RNF13: variants seen among roughly 807,000 people sequenced by gnomAD.
The protein encoded by RNF13 is E3 ubiquitin-protein ligase RNF13.
In RNF13, 19 loss-of-function variants were observed where a neutral mutation model predicts 37.7. That is an observed-to-expected ratio of 0.50 (90% CI 0.35 to 0.74). The LOEUF is 0.74. Among genes scored for constraint, RNF13 ranks in the 30% least tolerant of loss-of-function variants. The pLI is 0.01. For missense variants in RNF13, 375 were observed against 453.0 expected (o/e 0.83, Z 1.56); for synonymous variants, 144 against 157.8 (o/e 0.91, Z 0.65).
chr3:149,886,466 C>A (rs186750813), intron 4 of RNF13, among the ~76,000 whole-genome samples: 1 of 152,130 alleles, frequency 6.6e-6, no homozygotes, highest in East Asian at 1.9e-4. Context: ...CATTGCTAAA[C>A]TGGTTTATTA....
intron 6 of RNF13, among the ~76,000 whole-genome samples, chr3:149,907,049 G>T (rs933372821): frequency 4.6e-5 from 7 of 152,116 alleles, no homozygotes; most frequent in African/African-American, 1.7e-4. Flanking sequence ...TTTATTGTTT[G>T]CTATCATAAG....
At chr3:149,940,332 ATC>A (rs1720125603) in intron 8 of RNF13, among the ~76,000 whole-genome samples, 1 of 152,146 alleles carries the variant, frequency 6.6e-6, no homozygotes, top group Non-Finnish European at 1.5e-5. Flanking sequence ...TCTACCCTCC[ATC>A]CCTTATATCA....
At chr3:149,814,615 A>C (rs939380800) in intron 1 of RNF13, among the ~76,000 whole-genome samples, 6 of 152,208 alleles carry the variant, frequency 3.9e-5, no homozygotes, top group Non-Finnish European at 8.8e-5. Flanking sequence ...ATAAAAGTAA[A>C]TATTATGGCA....
chr3:149,872,537 A>G (rs1712194883), intron 4 of RNF13, among the ~76,000 whole-genome samples: 1 of 152,200 alleles, frequency 6.6e-6, no homozygotes, highest in South Asian at 2.1e-4. Flanking sequence ...TTTCTCTCTG[A>G]CATGGGTTAA....
In RNF13 at chr3:149,829,738, G is replaced by A. The variant is rs146495726; in HGVS notation, c.-16-16273G>A. Among the ~76,000 whole-genome samples the A allele has an allele frequency of 3.2e-3, 486 of 152,246 alleles. 2 individuals carry two copies. The highest frequency in any genetic ancestry group is 0.011 in the African/African-American group (444 of 41,542). ...CTTCTGATCCAGTGTTTTTAAAAGC[G>A]TTAAAAAACTATGGAGATTTAAATA... On this transcript the variant is annotated intron_variant, in intron 1 of 9. Transcript: ENST00000392894.
chr3:149,922,505 C>T (rs1367199023), intron 8 of RNF13, among the ~76,000 whole-genome samples: 2 of 152,128 alleles, frequency 1.3e-5, no homozygotes, highest in Non-Finnish European at 2.9e-5. Flanking sequence ...AATATTATCA[C>T]CATGTGCCAT....
At chr3:149,882,672 C>A (rs1283753290) in intron 4 of RNF13, among the ~76,000 whole-genome samples, 1 of 152,172 alleles carries the variant, frequency 6.6e-6, no homozygotes, top group East Asian at 1.9e-4. Context: ...GTGCTATGCA[C>A]TTACCTTTAC....
intron 8 of RNF13, among the ~76,000 whole-genome samples, chr3:149,943,295 GAT>G (rs1559967211): frequency 6.6e-6 from 1 of 151,314 alleles, no homozygotes; most frequent in East Asian, 1.9e-4. Flanking sequence ...AATGTACTGA[GAT>G]ATCCCAATAT....
In RNF13 at chr3:149,959,426, A is replaced by G. The variant is rs571356959; in HGVS notation, c.701-630A>G. ...AAATTTCTATGATTATAAAACTGAT[A>G]AATTCCACAGTAAGACAATTAAAGT... On this transcript the variant is annotated intron_variant, in intron 8 of 9. Coordinates refer to ENST00000392894, the MANE Select transcript of RNF13 (RefSeq NM_183381.3). Among the ~76,000 whole-genome samples, 4 of 152,362 alleles carry G rather than the reference A, an allele frequency of 2.6e-5. No homozygotes were observed. In the East Asian group the frequency reaches 7.7e-4, roughly 29 times the overall value.
chr3:149,831,974 C>A (rs150989984), intron 1 of RNF13, among the ~76,000 whole-genome samples: 37 of 151,970 alleles, frequency 2.4e-4, no homozygotes, highest in Admixed American at 5.9e-4. Flanking sequence ...GGAAAAATAA[C>A]CTATTAAATG....
chr3:149,881,754 T>C (rs1306837484), intron 4 of RNF13, among the ~76,000 whole-genome samples: 1 of 152,168 alleles, frequency 6.6e-6, no homozygotes, highest in Non-Finnish European at 1.5e-5. Flanking sequence ...CTACCAAAAA[T>C]GTTTTCTAAT....
In RNF13 at chr3:149,945,081, T is replaced by G. The variant is rs549288502; in HGVS notation, c.701-14975T>G. ...TTAAATAGGGAATCCTTTCCTCATT[T>G]CTTGTTTTTGTCAGGTTTGTCAAAG... is the stretch of plus-strand genomic sequence containing the variant. On this transcript the variant is annotated intron_variant, in intron 8 of 9. Coordinates refer to ENST00000392894, the MANE Select transcript of RNF13 (RefSeq NM_183381.3). Among the ~76,000 whole-genome samples the G allele has an allele frequency of 6.4e-4, 97 of 152,324 alleles. 1 individual carries two copies. Among genetic ancestry groups the G allele is most frequent in the Non-Finnish European group, 1.1e-3 (76 of 68,030 alleles).
At chr3:149,909,422 C>T (rs1326836618) in intron 6 of RNF13, among the ~76,000 whole-genome samples, 1 of 149,642 alleles carries the variant, frequency 6.7e-6, no homozygotes, top group Non-Finnish European at 1.5e-5. Flanking sequence ...ACTACAGGTG[C>T]TGGCCACCAT....
intron 4 of RNF13, among the ~76,000 whole-genome samples, chr3:149,876,871 C>T (rs547100721): frequency 1.1e-4 from 17 of 150,984 alleles, no homozygotes; most frequent in Admixed American, 7.3e-4. Context: ...CTCTGCCTCC[C>T]GGGTTCAAGC....
At chr3:149,885,318 A>G (rs188512237) in intron 4 of RNF13, among the ~76,000 whole-genome samples, 2 of 152,210 alleles carry the variant, frequency 1.3e-5, no homozygotes, top group Admixed American at 6.5e-5. Flanking sequence ...CGTTCTCCCT[A>G]GTGATTGTGC....
intron 2 of RNF13, 50 bp downstream of exon 2, chr3:149,846,190 G>C (rs1481483448): frequency 8.1e-7 from 1 of 1,237,108 alleles, no homozygotes; most frequent in South Asian, 1.3e-5. Flanking sequence ...TTAAAGAAAA[G>C]CTTAAAAAAA....
intron 6 of RNF13, among the ~76,000 whole-genome samples, chr3:149,911,180 A>G (rs1391603880): frequency 6.6e-6 from 1 of 152,190 alleles, no homozygotes; most frequent in Non-Finnish European, 1.5e-5. Flanking sequence ...GATACAACAG[A>G]TACATGTAAA....
intron 1 of RNF13, among the ~76,000 whole-genome samples, chr3:149,819,550 A>G (rs140782758): frequency 6.6e-6 from 1 of 152,344 alleles, no homozygotes; most frequent in Non-Finnish European, 1.5e-5. Flanking sequence ...TAAGGAGCTT[A>G]AGGAATAATG....
At chr3:149,938,023 G>T (rs1719874681) in intron 8 of RNF13, among the ~76,000 whole-genome samples, 1 of 151,750 alleles carries the variant, frequency 6.6e-6, no homozygotes, top group Admixed American at 6.6e-5. Context: ...CAGATAGAGG[G>T]GTGTTGATGT....
Sources: gnomAD v4.1 joint callset for allele counts (sites outside exome capture counted in the v4.1 genomes callset) on GRCh38, gnomAD v4.1.1 for gene constraint, MANE v1.5 for transcripts, NCBI Gene and HGNC (gene_info 2026-07-23, HGNC 2026-07-21) for gene names.